The following ZNF274 variants were observed in gnomAD, a reference collection of about 807,000 sequenced individuals.
ZNF274 encodes neurotrophin receptor-interacting factor homolog.
A neutral mutation model predicts 42.5 loss-of-function variants in ZNF274; 23 were observed. The ratio of observed to expected loss-of-function variants is 0.54; its 90% CI spans 0.39 to 0.77. The LOEUF (loss-of-function observed/expected upper bound fraction) is 0.77. Ranked by LOEUF, ZNF274 falls within the 30% of genes least tolerant of loss-of-function variation. The probability of loss-of-function intolerance (pLI) is 0.00; values close to 1 mark genes in which losing one functional copy is unlikely to be tolerated. For missense variants in ZNF274, 679 were observed against 806.5 expected, an observed-to-expected ratio of 0.84 and a Z score of 1.91; for synonymous variants, 292 against 305.4, an observed-to-expected ratio of 0.96 and a Z score of 0.46.
In ZNF274 at chr19:58,205,060, C is replaced by T. The variant is rs1428377005; in HGVS notation, c.257-1660C>T. Among the ~76,000 whole-genome samples the T allele has an allele frequency of 3.9e-5, 6 of 152,286 alleles. 1 individual carries two copies. The East Asian group carries it at 1.2e-3, about 29-fold the overall frequency. On this transcript the variant is annotated intron_variant, in intron 4 of 7. Transcript: ENST00000617501. ...AGGTTGTGGGTCAGTGCTGTGTTAA[C>T]TATATTTGGTTTGGCTGTTGTGTTT...
At position 58,183,170 on chromosome 19, in the gene ZNF274, G is replaced by C. The variant is rs1473865906; in HGVS notation, c.-318G>C. 2.0e-5 allele frequency: 3 copies of C among 152,346 alleles called. No individual in the cohort carries two copies. Among genetic ancestry groups the C allele is most frequent in the Non-Finnish European group, 4.4e-5 (3 of 68,160 alleles). 9.4% of individuals were successfully genotyped at this position (152,346 alleles called of 1,614,324 possible). On this transcript the variant is annotated 5_prime_UTR_variant, in exon 1 of 8. Coordinates refer to ENST00000617501, the MANE Select transcript of ZNF274 (RefSeq NM_133502.3). ...GCAGGGCACGACTCTCTCCCAGCTC[G>C]GGTCGCCGCCCACATTAGTGTGGGG...
In ZNF274 at chr19:58,212,378, C is replaced by G. The variant is rs1376119711; in HGVS notation, c.1197C>G (p.His399Gln). The change falls in exon 8 of 8, where the codon CAC becomes CAG. Residue 399 changes from histidine to glutamine, a missense_variant. This residue lies in a region of ZNF274 where 456 missense variants were observed against 590.1 expected (regional missense o/e 0.77). Transcript: ENST00000617501. This position sits in a 1 kb window ranked among gnomAD's most constrained non-coding sequence, Gnocchi z 4.6. ...AAAAAGACCTTCCTCAGAAGAAGCA[C>G]TTTGACAACCGTGAGTCCCAGGCAA... ...AQEKDLPQKK[H>Q]FDNRESQANS... is the part of the protein sequence containing the mutation. 1 of 1,613,850 alleles carries G rather than the reference C, an allele frequency of 6.2e-7. No homozygotes were observed. Among genetic ancestry groups the G allele is most frequent in the African/African-American group, 1.3e-5 (1 of 74,922 alleles).
chr19:58,206,075 C>G (rs984539979), intron 4 of ZNF274, among the ~76,000 whole-genome samples: 2 of 143,932 alleles, frequency 1.4e-5, no homozygotes, highest in Non-Finnish European at 3.2e-5. Context: ...TACCCATTAG[C>G]AGTCTCCCAC....
chr19:58,213,165 C>A lies in ZNF274; in HGVS notation c.*22C>A. On this transcript the variant is annotated 3_prime_UTR_variant, in exon 8 of 8. Coordinates refer to ENST00000617501, the MANE Select transcript of ZNF274 (RefSeq NM_133502.3). ...ATAGCTCTCAAGCCAGTTGAAGAAA[C>A]CTTGCCTTTTCAGCTTGACCCTGCA... 6.3e-7 allele frequency: 1 copy of A among 1,584,606 alleles called. No homozygotes were observed. The highest frequency in any genetic ancestry group is 8.6e-7 in the Non-Finnish European group (1 of 1,165,134).
intron 4 of ZNF274, among the ~76,000 whole-genome samples, chr19:58,188,694 G>GTATATATATA (rs71925177): frequency 0.018 from 1,346 of 74,500 alleles, 17 homozygotes; most frequent in Non-Finnish European, 0.025. Flanking sequence ...ATATGTATAT[G>GTATATATATA]TATATATATA....
chr19:58,210,074 G>A lies in ZNF274; in HGVS notation c.852+1G>A. ...CTGCCCAGTGACAGTGCTCCCTGAGGTAAGCGGGGAGTATCACCCTGTTTT... is the reference window on the plus strand; with the variant it reads ...CTGCCCAGTGACAGTGCTCCCTGAGATAAGCGGGGAGTATCACCCTGTTTT... On this transcript the variant is annotated splice_donor_variant, in intron 6 of 7. Transcript: ENST00000617501. LOFTEE classifies it high-confidence loss of function. The A allele has an allele frequency of 6.2e-7, 1 of 1,612,494 alleles. No individual in the cohort carries two copies. The highest frequency in any genetic ancestry group is 8.5e-7 in the Non-Finnish European group (1 of 1,178,768).
Position 58,212,117 on chromosome 19 carries a change from C to T in ZNF274, c.980-44C>T, listed in dbSNP as rs753910842. ...TTTCATGCTCTCAGACCCATCCCAG[C>T]ACATCTCTCTATGGGATCCACATCT... On this transcript the variant is annotated intron_variant, in intron 7 of 7. Coordinates refer to ENST00000617501, the MANE Select transcript of ZNF274 (RefSeq NM_133502.3). This position sits in a 1 kb window ranked among gnomAD's most constrained non-coding sequence, Gnocchi z 4.6. The T allele has an allele frequency of 1.5e-4, 226 of 1,550,716 alleles. 2 individuals are homozygous for T. The highest frequency in any genetic ancestry group is 1.8e-4 in the Non-Finnish European group (214 of 1,158,146).
chr19:58,204,471 C>T (rs2075957007), intron 4 of ZNF274, among the ~76,000 whole-genome samples: 1 of 152,026 alleles, frequency 6.6e-6, no homozygotes, highest in Non-Finnish European at 1.5e-5. Context: ...ATGGTTGTGG[C>T]CTCGCATTCC....
chr19:58,195,810 A>G (rs976504259), intron 4 of ZNF274, among the ~76,000 whole-genome samples: 2 of 152,160 alleles, frequency 1.3e-5, no homozygotes, highest in South Asian at 2.1e-4. Flanking sequence ...TAGATCCCTC[A>G]TGCACAGTTT....
At chr19:58,193,966 C>G (rs936042349) in intron 4 of ZNF274, among the ~76,000 whole-genome samples, 4 of 151,906 alleles carry the variant, frequency 2.6e-5, no homozygotes, top group African/African-American at 9.7e-5. Context: ...ATCTATATCA[C>G]ATATGAGATA....
intron 4 of ZNF274, among the ~76,000 whole-genome samples, chr19:58,192,314 A>C (rs1226981524): frequency 6.6e-6 from 1 of 152,204 alleles, no homozygotes; most frequent in Non-Finnish European, 1.5e-5. Context: ...GGAGGCAGGC[A>C]GGGCCCGCAG....
chr19:58,186,535 C>A (rs1191361936), intron 3 of ZNF274, among the ~76,000 whole-genome samples: 402 of 101,972 alleles, frequency 3.9e-3, no homozygotes, highest in South Asian at 7.1e-3. Flanking sequence ...GACTCCGTCT[C>A]AAAAAAAAAA....
At chr19:58,201,764 C>T (rs2075914487) in intron 4 of ZNF274, among the ~76,000 whole-genome samples, 1 of 152,092 alleles carries the variant, frequency 6.6e-6, no homozygotes, top group African/African-American at 2.4e-5. Context: ...ATCTGCCCAC[C>T]TCGGCCTCCC....
rs1276486934 is a variant in ZNF274, at chr19:58,187,028, A to G, written c.242A>G (p.Gln81Arg). 1.2e-6 allele frequency: 2 copies of G among 1,612,448 alleles called. No individual in the cohort carries two copies. Among genetic ancestry groups the G allele is most frequent in the South Asian group, 2.2e-5 (2 of 90,568 alleles). The change falls in exon 4 of 8, where the codon CAA becomes CGA. Residue 81 changes from glutamine (Q) to arginine (R), a missense_variant. Gln to Arg is a conservative substitution (Grantham distance 43, BLOSUM62 1). Around this residue, in one of 2 missense-constraint regions of ZNF274, gnomAD observed 223 missense variants for 216.4 expected, o/e 1.03. Coordinates refer to ENST00000617501, the MANE Select transcript of ZNF274 (RefSeq NM_133502.3). ...DFWPVERGIP[Q>R]DTIPEYPELQ... ...TGGCCAGTGGAGAGAGGAATTCCTCAAGACACCATTCCAGGTGAGAACCAG... is the reference window on the plus strand; with the variant it reads ...TGGCCAGTGGAGAGAGGAATTCCTCGAGACACCATTCCAGGTGAGAACCAG...
intron 4 of ZNF274, among the ~76,000 whole-genome samples, chr19:58,204,310 C>G (rs1447912801): frequency 6.6e-6 from 1 of 152,008 alleles, no homozygotes; most frequent in East Asian, 1.9e-4. Context: ...CTGTAGGCCC[C>G]GCGGGTGTCG....
chr19:58,211,481 C>A lies in ZNF274; in HGVS notation c.853-79C>A, dbSNP rs954765315. 1 of 1,519,470 alleles carries A rather than the reference C, an allele frequency of 6.6e-7. No homozygotes were observed. Among genetic ancestry groups the A allele is most frequent in the African/African-American group, 1.4e-5 (1 of 72,188 alleles). 94.1% of individuals were successfully genotyped at this position (1,519,470 alleles called of 1,614,324 possible). ...AGCACCGTGAGCTCTGTCAGAACCTCCCAGCTGGCCTTTCTTCTGCCCTCA... is the reference window on the plus strand; with the variant it reads ...AGCACCGTGAGCTCTGTCAGAACCTACCAGCTGGCCTTTCTTCTGCCCTCA... On this transcript the variant is annotated intron_variant, in intron 6 of 7. Transcript: ENST00000617501. This position sits in a 1 kb window ranked among gnomAD's most constrained non-coding sequence, Gnocchi z 4.8.
chr19:58,194,369 AC>A (rs1238863250), intron 4 of ZNF274, among the ~76,000 whole-genome samples: 8 of 85,782 alleles, frequency 9.3e-5, no homozygotes, highest in South Asian at 3.5e-4. Context: ...TTTGTTTTTT[AC>A]CTTTTTTTTT....
intron 4 of ZNF274, among the ~76,000 whole-genome samples, chr19:58,200,089 A>C (rs1248906793): frequency 2.6e-5 from 4 of 152,224 alleles, no homozygotes; most frequent in Admixed American, 1.3e-4. Flanking sequence ...TGTTGCAAAG[A>C]AGCTGTGTTG....
Position 58,209,761 on chromosome 19 carries a change from G to T in ZNF274, c.740-200G>T, listed in dbSNP as rs1258328740. On this transcript the variant is annotated intron_variant, in intron 5 of 7. Transcript: ENST00000617501. ...ACCCTTGGAGGGTGAGCCATCCCGG[G>T]CCCATCCAGGTGTGGGCACTCGGGC... The T allele has an allele frequency of 9.8e-6, 5 of 510,670 alleles. No individual in the cohort carries two copies. In the African/African-American group the frequency reaches 9.8e-5, roughly 10 times the overall value. The allele number at this position is 510,670 out of a possible 1,614,324, so 31.6% of individuals were successfully genotyped here.
Sources: allele counts gnomAD v4.1 joint callset (sites outside exome capture counted in the v4.1 genomes callset), GRCh38; gene constraint gnomAD v4.1.1; regional missense constraint gnomAD v4.1.1; non-coding constraint Gnocchi (gnomAD v3.1); transcripts MANE v1.5; gene names NCBI Gene and HGNC (gene_info 2026-07-23, HGNC 2026-07-21).